Variants in GRIK2 observed in about 807,000 individuals in gnomAD.
GRIK2 encodes glutamate receptor ionotropic, kainate 2.
GRIK2 carries 32 observed loss-of-function variants against 100.3 expected under a neutral mutation model. That is an observed-to-expected ratio of 0.32 (90% CI 0.24 to 0.43). GRIK2 has a LOEUF of 0.43. Among genes scored for constraint, GRIK2 ranks in the 20% least tolerant of loss-of-function variants. GRIK2 has a pLI of 1.00. For missense variants in GRIK2, 843 were observed against 1,114.9 expected (o/e 0.76, Z 3.47); for synonymous variants, 417 against 389.4 (o/e 1.07, Z -0.83).
At chr6:101,462,221 C>A (rs964816007) in intron 2 of GRIK2, among the ~76,000 whole-genome samples, 7 of 152,136 alleles carry the variant, frequency 4.6e-5, no homozygotes, top group African/African-American at 1.7e-4. Context: ...CTACTGACTG[C>A]GCCGGTGTCC....
chr6:101,616,331 T>G (rs553174185), intron 2 of GRIK2, among the ~76,000 whole-genome samples: 1 of 151,916 alleles, frequency 6.6e-6, no homozygotes, highest in African/African-American at 2.4e-5. Flanking sequence ...TTTCCATTGT[T>G]AGCTATTTAA....
intron 2 of GRIK2, among the ~76,000 whole-genome samples, chr6:101,495,096 T>A (rs1225957444): frequency 6.6e-6 from 1 of 151,090 alleles, no homozygotes; most frequent in Non-Finnish European, 1.5e-5. Flanking sequence ...CTCTATAGTA[T>A]ATAAACTATT....
intron 2 of GRIK2, among the ~76,000 whole-genome samples, chr6:101,433,548 TTGTTCCTTTTATGTTGTCTGATCTGATG>T (rs1353784922): frequency 1.3e-5 from 2 of 152,238 alleles, no homozygotes; most frequent in African/African-American, 4.8e-5. Flanking sequence ...GCTTATGTTT[TTGTTCCTTTTATGTTGTCTGATCTGATG>T]TGTCTAAAAA....
intron 2 of GRIK2, among the ~76,000 whole-genome samples, chr6:101,537,310 A>G (rs1479998562): frequency 6.6e-6 from 1 of 151,812 alleles, no homozygotes; most frequent in Non-Finnish European, 1.5e-5. Context: ...CTTAATGAGT[A>G]TTGGTTCCAG....
At chr6:101,964,230 T>A (rs909155776) in intron 14 of GRIK2, among the ~76,000 whole-genome samples, 1 of 151,450 alleles carries the variant, frequency 6.6e-6, no homozygotes, top group East Asian at 1.9e-4. Flanking sequence ...TGATATATAA[T>A]AAAACAATGC....
chr6:101,714,902 G>T (rs191201124), intron 7 of GRIK2, among the ~76,000 whole-genome samples: 66 of 151,726 alleles, frequency 4.3e-4, no homozygotes, highest in Non-Finnish European at 2.9e-5. Context: ...CATTTTTCCA[G>T]TTTAAATGAT....
intron 1 of GRIK2, among the ~76,000 whole-genome samples, chr6:101,395,403 A>T (rs1774962297): frequency 1.3e-5 from 2 of 152,120 alleles, no homozygotes; most frequent in Non-Finnish European, 1.5e-5. Flanking sequence ...TAGCTATGGC[A>T]TGTAAGAACC....
intron 7 of GRIK2, among the ~76,000 whole-genome samples, chr6:101,740,071 G>A (rs944635536): frequency 2.0e-5 from 3 of 152,198 alleles, no homozygotes; most frequent in South Asian, 4.1e-4. Context: ...AAGGGAAAGC[G>A]ATTGCCTGAG....
At chr6:101,949,309 A>C (rs1791470034) in intron 14 of GRIK2, among the ~76,000 whole-genome samples, 1 of 152,038 alleles carries the variant, frequency 6.6e-6, no homozygotes, top group Admixed American at 6.6e-5. Flanking sequence ...GAAATTTATC[A>C]AATTCTTTTA....
intron 12 of GRIK2, among the ~76,000 whole-genome samples, chr6:101,891,131 A>G (rs1296149271): frequency 1.2e-5 from 1 of 80,680 alleles, no homozygotes; most frequent in Non-Finnish European, 2.3e-5. Flanking sequence ...TAAGGAATTA[A>G]ACTTTTTTTT....
intron 7 of GRIK2, among the ~76,000 whole-genome samples, chr6:101,716,778 A>G (rs948043951): frequency 2.0e-5 from 3 of 151,780 alleles, no homozygotes; most frequent in Non-Finnish European, 4.4e-5. Flanking sequence ...AAAACAAATA[A>G]CAACCACAAC....
chr6:101,870,429 TC>T (rs1785336163), intron 11 of GRIK2, among the ~76,000 whole-genome samples: 1 of 151,890 alleles, frequency 6.6e-6, no homozygotes, highest in Non-Finnish European at 1.5e-5. Flanking sequence ...AAATGGATTT[TC>T]CCAAGCATTA....
intron 7 of GRIK2, among the ~76,000 whole-genome samples, chr6:101,778,650 T>C (rs1238931047): frequency 2.0e-5 from 3 of 152,156 alleles, no homozygotes; most frequent in Admixed American, 6.6e-5. Context: ...ATAAACATTT[T>C]TGATGGATTT....
rs763651077 is a variant in GRIK2, at chr6:101,879,989, C to T, written c.1525-9651C>T. Among the ~76,000 whole-genome samples, 4 of 151,954 alleles carry T rather than the reference C, an allele frequency of 2.6e-5. No individual in the cohort carries two copies. The South Asian group carries it at 8.3e-4, about 32-fold the overall frequency. On this transcript the variant is annotated intron_variant, in intron 11 of 16. Transcript: ENST00000369134. ...AATAAAACTGCTGACTCAATAGGGC[C>T]CTAGATTCATATGGCTTATTTTAAA... is the stretch of plus-strand genomic sequence containing the variant.
intron 14 of GRIK2, among the ~76,000 whole-genome samples, chr6:102,001,185 AT>A (rs66913053): frequency 0.44 from 63,230 of 142,466 alleles, 14,508 homozygotes; most frequent in East Asian, 0.59. Flanking sequence ...CTTCTTCTTT[AT>A]TTTTTTTTTT....
Position 101,816,243 on chromosome 6 carries a change from A to T in GRIK2, c.1204-2127A>T, listed in dbSNP as rs59429564. Among the ~76,000 whole-genome samples the T allele has an allele frequency of 2.4e-4, 24 of 98,584 alleles. No individual in the cohort carries two copies. In the East Asian group the frequency reaches 4.9e-3, roughly 20 times the overall value. The allele number at this position is 98,584 out of a possible 152,430, so 64.7% of individuals were successfully genotyped here. On this transcript the variant is annotated intron_variant, in intron 9 of 16. Coordinates refer to ENST00000369134, the MANE Select transcript of GRIK2 (RefSeq NM_021956.5). ...CTTAGCTATTTTGCCAATTTATATT[A>T]AAAAAAAAAGTAAAATCTAAGGGAA...
chr6:101,460,002 C>A (rs1771214821), intron 2 of GRIK2, among the ~76,000 whole-genome samples: 1 of 152,126 alleles, frequency 6.6e-6, no homozygotes, highest in Non-Finnish European at 1.5e-5. Context: ...GGTGGTCTGC[C>A]CACCTCGGCC....
At chr6:102,025,240 A>G (rs760955503) in intron 14 of GRIK2, among the ~76,000 whole-genome samples, 6 of 151,332 alleles carry the variant, frequency 4.0e-5, no homozygotes, top group South Asian at 4.1e-4. Flanking sequence ...ATTGATATCT[A>G]TGATATACTA....
At chr6:101,809,814 T>G (rs1274951218) in intron 9 of GRIK2, among the ~76,000 whole-genome samples, 1 of 152,076 alleles carries the variant, frequency 6.6e-6, no homozygotes, top group African/African-American at 2.4e-5. Flanking sequence ...TAGAATTCAT[T>G]ATAAACCCTG....
Sources: allele counts gnomAD v4.1 joint callset (sites outside exome capture counted in the v4.1 genomes callset), GRCh38; gene constraint gnomAD v4.1.1; transcripts MANE v1.5; gene names NCBI Gene and HGNC (gene_info 2026-07-23, HGNC 2026-07-21).